SPACA9: variants seen among roughly 807,000 people sequenced by gnomAD.
SPACA9 encodes the protein sperm acrosome-associated protein 9.
SPACA9 carries 14 observed loss-of-function variants against 12.5 expected under a neutral mutation model. That is an observed-to-expected ratio of 1.12 (90% CI 0.74 to 1.75). SPACA9 has a LOEUF of 1.75. Among genes scored for constraint, SPACA9 ranks in the 40% most tolerant of loss-of-function variants. SPACA9 has a pLI of 0.00. For synonymous variants in SPACA9, 111 were observed against 114.1 expected (o/e 0.97, Z 0.17); for missense variants, 292 against 291.9 (o/e 1.00, Z 0.00).
rs778462257 is a variant in SPACA9, at chr9:132,887,494, C to T, written c.270C>T (p.Thr90=). The change falls in exon 3 of 4, where the codon ACC becomes ACT. Residue 90 remains threonine (T), a synonymous_variant. Coordinates refer to ENST00000356311, the MANE Select transcript of SPACA9 (RefSeq NM_001316897.2). The surrounding 1 kb of genome is among the most constrained non-coding windows in gnomAD (Gnocchi z 5.4). ...CQHFEAVHSG[T]PVTNNLLEKC... is the part of the protein sequence containing the mutation. ...ACTTTGAGGCCGTGCACTCTGGCACCCCAGTCACCAACAACCTCCTGGAGA... is the reference window on the plus strand; with the variant it reads ...ACTTTGAGGCCGTGCACTCTGGCACTCCAGTCACCAACAACCTCCTGGAGA... The T allele has an allele frequency of 1.2e-6, 2 of 1,614,098 alleles. No homozygotes were observed. The highest frequency in any genetic ancestry group is 2.2e-5 in the South Asian group (2 of 91,074).
chr9:132,878,387 G>A (rs1481437207), upstream of SPACA9: 15 of 1,244,928 alleles, frequency 1.2e-5, no homozygotes, highest in Non-Finnish European at 1.4e-5. This position sits in a 1 kb window ranked among gnomAD's most constrained non-coding sequence, Gnocchi z 4.7. Flanking sequence ...CCTCGGTCGC[G>A]CGGGTCGCCC....
Position 132,884,110 on chromosome 9 carries a change from A to G in SPACA9, c.144+19A>G, listed in dbSNP as rs1390397680. On this transcript the variant is annotated intron_variant, in intron 2 of 3. Transcript: ENST00000356311. ...TGGACAGGTGGGGCTCCCGACCCCC[A>G]CCCCGGCCGAGGGGCAACAAGCCCA... 2.5e-6 allele frequency: 4 copies of G among 1,604,660 alleles called. No individual in the cohort carries two copies. The East Asian group carries it at 6.7e-5, about 27-fold the overall frequency.
intron 2 of SPACA9, among the ~76,000 whole-genome samples, chr9:132,884,685 T>G (rs1446736538): frequency 9.4e-6 from 1 of 106,222 alleles, no homozygotes; most frequent in Admixed American, 8.3e-5. Context: ...AGGCCGGCCC[T>G]TCACAGCTTG....
At chr9:132,879,449 C>G (rs887860119) in intron 1 of SPACA9, among the ~76,000 whole-genome samples, 1 of 152,208 alleles carries the variant, frequency 6.6e-6, no homozygotes, top group Admixed American at 6.5e-5. Flanking sequence ...TCTGCTTGCT[C>G]CGTGCCTCAC....
At chr9:132,878,621 G>A (rs968391403), upstream of SPACA9, 24 of 1,068,080 alleles carry the variant, frequency 2.2e-5, no homozygotes, top group African/African-American at 4.0e-4. This position sits in a 1 kb window ranked among gnomAD's most constrained non-coding sequence, Gnocchi z 4.7. Flanking sequence ...AGTGCTCCCC[G>A]GCCCGGCTCC....
rs769502830 is a variant in SPACA9, at chr9:132,887,329, G to A, written c.145-40G>A. On this transcript the variant is annotated intron_variant, in intron 2 of 3. Transcript: ENST00000356311. The surrounding 1 kb of genome is among the most constrained non-coding windows in gnomAD (Gnocchi z 5.4). ...GCACCATAAGCCAGCCAGGACCCGG[G>A]TTGGCATGTCCCCAGCTCATGTGGC... The A allele has an allele frequency of 6.3e-7, 1 of 1,588,616 alleles. No homozygotes were observed. Among genetic ancestry groups the A allele is most frequent in the Non-Finnish European group, 8.6e-7 (1 of 1,166,698 alleles).
chr9:132,880,583 T>C lies in SPACA9; in HGVS notation c.-38+1569T>C, dbSNP rs536778284. 3.3e-5 allele frequency among the ~76,000 whole-genome samples: 5 copies of C among 152,298 alleles called. No individual in the cohort carries two copies. In the South Asian group the frequency reaches 8.3e-4, roughly 25 times the overall value. ...TCACCTTTGAGTCATTTGTAAGCCCTGGGCCAACATTAGGGCAAGGCAAGT... is the reference window on the plus strand; with the variant it reads ...TCACCTTTGAGTCATTTGTAAGCCCCGGGCCAACATTAGGGCAAGGCAAGT... On this transcript the variant is annotated intron_variant, in intron 1 of 3. Transcript: ENST00000356311.
At chr9:132,880,823 T>G (rs1005875243) in intron 1 of SPACA9, among the ~76,000 whole-genome samples, 1 of 134,016 alleles carries the variant, frequency 7.5e-6, no homozygotes, top group Non-Finnish European at 1.6e-5. Flanking sequence ...TGCAGCTATC[T>G]TTTTTTTTTT....
At chr9:132,890,071 A>T, downstream of SPACA9, 1 of 1,279,238 alleles carries the variant, frequency 7.8e-7, no homozygotes, top group Non-Finnish European at 1.0e-6. Context: ...TCCCTGAAAG[A>T]AAACCTACAT....
At chr9:132,881,179 A>G (rs1030987128) in intron 1 of SPACA9, among the ~76,000 whole-genome samples, 12 of 151,040 alleles carry the variant, frequency 7.9e-5, no homozygotes, top group African/African-American at 2.9e-4. Flanking sequence ...TAATCCCAGC[A>G]CATTGGGAGG....
At chr9:132,882,333 T>A (rs1844451485) in intron 1 of SPACA9, among the ~76,000 whole-genome samples, 1 of 152,180 alleles carries the variant, frequency 6.6e-6, no homozygotes, top group African/African-American at 2.4e-5. Flanking sequence ...CCCAGCCTCC[T>A]CCAAGTGCTC....
In SPACA9 at chr9:132,889,314, C is replaced by T; in HGVS notation, c.*703C>T. The T allele has an allele frequency of 3.0e-6, 3 of 985,692 alleles. No individual in the cohort carries two copies. The highest frequency in any genetic ancestry group is 2.4e-6 in the Non-Finnish European group (2 of 830,116). The allele number at this position is 985,692 out of a possible 1,614,324, so 61.1% of individuals were successfully genotyped here. A position where few individuals can be genotyped will look rare whatever the true frequency, so the allele number is the denominator to read the frequency against. On this transcript the variant is annotated 3_prime_UTR_variant, in exon 4 of 4. Coordinates refer to ENST00000356311, the MANE Select transcript of SPACA9 (RefSeq NM_001316897.2). ...GACCATCTGCTCCTTGCCCCACCAC[C>T]AGCCCCAACTGTAGGCAAGGCACAC... is the stretch of plus-strand genomic sequence containing the variant.
chr9:132,887,795 C>T lies in SPACA9; in HGVS notation c.347+224C>T, dbSNP rs555532237. 6.6e-6 allele frequency among the ~76,000 whole-genome samples: 1 copy of T among 152,286 alleles called. No individual in the cohort carries two copies. Among genetic ancestry groups the T allele is most frequent in the African/African-American group, 2.4e-5 (1 of 41,552 alleles). ...ACCAGGTGTCTCACGGGTGTTAGCA[C>T]CAGGCAGGTGGAGAAGGGGGTGTAG... On this transcript the variant is annotated intron_variant, in intron 3 of 3. Transcript: ENST00000356311. This position sits in a 1 kb window ranked among gnomAD's most constrained non-coding sequence, Gnocchi z 5.4.
intron 1 of SPACA9, among the ~76,000 whole-genome samples, chr9:132,882,337 A>G (rs776185997): frequency 6.6e-6 from 1 of 152,054 alleles, no homozygotes; most frequent in Non-Finnish European, 1.5e-5. Flanking sequence ...GCCTCCTCCA[A>G]GTGCTCTGAT....
chr9:132,883,828 T>G, intron 1 of SPACA9, 83 bp from the exon 2 acceptor site: 1 of 1,115,746 alleles, frequency 9.0e-7, no homozygotes, highest in Non-Finnish European at 1.3e-6. Context: ...TGGGTATCCC[T>G]CTCCCCTGAC....
At chr9:132,878,795 C>T, upstream of SPACA9, 6 of 984,998 alleles carry the variant, frequency 6.1e-6, no homozygotes, top group Non-Finnish European at 7.2e-6. The surrounding 1 kb of genome is among the most constrained non-coding windows in gnomAD (Gnocchi z 4.7). Flanking sequence ...CCTCCCAGCT[C>T]CCCGGCTCTG....
At chr9:132,881,243 T>C (rs1160744456) in intron 1 of SPACA9, among the ~76,000 whole-genome samples, 8 of 107,488 alleles carry the variant, frequency 7.4e-5, no homozygotes, top group Non-Finnish European at 1.2e-4. Flanking sequence ...CTGAGCAACA[T>C]AGGGAGACCC....
Position 132,887,178 on chromosome 9 carries a change from C to CATCCATCT in SPACA9, c.145-188_145-187insCATCTATC, listed in dbSNP as rs1198305541. On this transcript the variant is annotated intron_variant, in intron 2 of 3. Coordinates refer to ENST00000356311, the MANE Select transcript of SPACA9 (RefSeq NM_001316897.2). The surrounding 1 kb of genome is among the most constrained non-coding windows in gnomAD (Gnocchi z 5.4). ...CCATCCATCCATCCATCCATCCATC[C>CATCCATCT]ATCTATAGAGAGAGAGATACCACTA... Among the ~76,000 whole-genome samples the CATCCATCT allele has an allele frequency of 6.6e-6, 1 of 151,350 alleles. No homozygotes were observed. The highest frequency in any genetic ancestry group is 1.5e-5 in the Non-Finnish European group (1 of 67,920).
intron 1 of SPACA9, among the ~76,000 whole-genome samples, chr9:132,879,994 A>G (rs577924019): frequency 4.6e-5 from 7 of 152,330 alleles, no homozygotes; most frequent in African/African-American, 1.4e-4. Context: ...CAAAGTGTGT[A>G]CACCTTGGTA....
Sources: gnomAD v4.1 joint callset for allele counts (sites outside exome capture counted in the v4.1 genomes callset) on GRCh38, gnomAD v4.1.1 for gene constraint, Gnocchi (gnomAD v3.1) non-coding constraint, MANE v1.5 for transcripts, NCBI Gene and HGNC (gene_info 2026-07-23, HGNC 2026-07-21) for gene names.